Variants in ZFHX3 observed in about 807,000 individuals in gnomAD.
ZFHX3 encodes zinc finger homeobox 3, also known as zinc finger homeobox protein 3.
Under a neutral mutation model 279.1 loss-of-function variants are expected in ZFHX3, and 42 were observed. The ratio of observed to expected loss-of-function variants is 0.15; its 90% CI spans 0.12 to 0.19. ZFHX3 has a LOEUF of 0.19. Among genes scored for constraint, ZFHX3 ranks in the 10% least tolerant of loss-of-function variants. The pLI is 1.00. For synonymous variants in ZFHX3, 2,293 were observed against 1,957.8 expected (o/e 1.17, Z -4.52); for missense variants, 4,981 against 4,754.0 (o/e 1.05, Z -1.40).
intron 3 of ZFHX3, among the ~76,000 whole-genome samples, chr16:72,910,819 C>A (rs189915643): frequency 6.6e-6 from 1 of 152,268 alleles, no homozygotes; most frequent in East Asian, 1.9e-4. Context: ...AACAAAAAAA[C>A]AGGGTTTCTG....
At chr16:73,558,344 T>C (rs555228999) in intron 2 of ZFHX3, 1 of 152,332 alleles carries the variant, frequency 6.6e-6, no homozygotes, top group East Asian at 1.9e-4. Flanking sequence ...CTTTGACTCG[T>C]AAACAGTTCA....
rs377092724 is a variant in ZFHX3, at chr16:72,818,896, T to G, written c.3530-6858A>C. ...GGTTCTATCAACTTCACAGGCCTTT[T>G]GTTTCTAAAAAGGGTTTCAAAGAAA... is the stretch of plus-strand genomic sequence containing the variant. On this transcript the variant is annotated intron_variant, in intron 5 of 9. Coordinates refer to ENST00000268489, the MANE Select transcript of ZFHX3 (RefSeq NM_006885.4). Among the ~76,000 whole-genome samples, 41 of 152,320 alleles carry G rather than the reference T, an allele frequency of 2.7e-4. No homozygotes were observed. The South Asian group carries it at 7.7e-3, about 28-fold the overall frequency.
At chr16:73,546,465 C>T (rs1391789722) in intron 2 of ZFHX3, among the ~76,000 whole-genome samples, 3 of 103,798 alleles carry the variant, frequency 2.9e-5, no homozygotes, top group Admixed American at 2.8e-4. Context: ...ATTACAGGGT[C>T]GGTAGTTGTT....
At chr16:72,835,915 T>C (rs2037181153) in intron 4 of ZFHX3, among the ~76,000 whole-genome samples, 2 of 152,210 alleles carry the variant, frequency 1.3e-5, no homozygotes, top group Admixed American at 1.3e-4. Context: ...GCAAATATTC[T>C]ACAGAATATG....
At chr16:73,540,657 C>A (rs899857768) in intron 2 of ZFHX3, among the ~76,000 whole-genome samples, 2 of 152,206 alleles carry the variant, frequency 1.3e-5, no homozygotes, top group Admixed American at 1.3e-4. Context: ...TAACCACTTG[C>A]TCTTTAAATA....
intron 1 of ZFHX3, among the ~76,000 whole-genome samples, chr16:73,844,765 GAGAT>G (rs1289959790): frequency 1.3e-5 from 2 of 151,834 alleles, no homozygotes; most frequent in Non-Finnish European, 2.9e-5. Context: ...CTAGATGACA[GAGAT>G]AGACAATACA....
chr16:72,935,911 T>C (rs1960098543), intron 3 of ZFHX3, among the ~76,000 whole-genome samples: 1 of 152,136 alleles, frequency 6.6e-6, no homozygotes, highest in African/African-American at 2.4e-5. Flanking sequence ...ATATGGTCTA[T>C]CATAAGAATG....
rs1235869189 is a variant in ZFHX3 at position 72,908,627 on chromosome 16, G to A, written c.3217-18665C>T. 5.9e-5 allele frequency among the ~76,000 whole-genome samples: 9 copies of A among 152,178 alleles called. No homozygotes were observed. The East Asian group carries it at 1.3e-3, about 23-fold the overall frequency. On this transcript the variant is annotated intron_variant, in intron 3 of 9. Coordinates refer to ENST00000268489, the MANE Select transcript of ZFHX3 (RefSeq NM_006885.4). ...TGGCTTGCCTCTGGGTGTCAGTCCC[G>A]CTGGTGCCAGCTGCATCCCCAATGC...
At chr16:72,838,118 C>T (rs1229906651) in intron 4 of ZFHX3, among the ~76,000 whole-genome samples, 4 of 151,620 alleles carry the variant, frequency 2.6e-5, no homozygotes, top group African/African-American at 4.8e-5. Context: ...GCCTCCTTAC[C>T]GCCCCCACCC....
intron 8 of ZFHX3, chr16:73,092,298 G>C (rs1966093181): frequency 6.6e-6 from 1 of 152,174 alleles, no homozygotes; most frequent in Non-Finnish European, 1.5e-5. Context: ...GCATCACATA[G>C]AGCCAGTTGT....
chr16:73,525,088 AG>A (rs1426449999), intron 2 of ZFHX3, among the ~76,000 whole-genome samples: 1 of 152,232 alleles, frequency 6.6e-6, no homozygotes, highest in African/African-American at 2.4e-5. Flanking sequence ...TTGCTCAATA[AG>A]GAGAAAGAGA....
intron 1 of ZFHX3, among the ~76,000 whole-genome samples, chr16:73,056,064 G>A (rs908415061): frequency 1.3e-5 from 2 of 152,188 alleles, no homozygotes; most frequent in Non-Finnish European, 2.9e-5. Flanking sequence ...GGAGGGGGAA[G>A]GGAGACACAC....
chr16:73,409,181 G>A (rs555350379), intron 3 of ZFHX3, among the ~76,000 whole-genome samples: 1 of 152,270 alleles, frequency 6.6e-6, no homozygotes, highest in South Asian at 2.1e-4. Context: ...CCAAGGTACA[G>A]CATTGCAGAG....
rs781263014 is a variant in ZFHX3, at chr16:72,811,679, G to A, written c.3762C>T (p.Cys1254=). 9 of 1,613,976 alleles carry A rather than the reference G, an allele frequency of 5.6e-6. No homozygotes were observed. Among genetic ancestry groups the A allele is most frequent in the South Asian group, 3.3e-5 (3 of 91,076 alleles). Residue 1254 remains cysteine (C), a synonymous_variant, in exon 7 of 10, where the codon TGC becomes TGT. Transcript: ENST00000268489. Reference sequence around the variant, plus strand: ...TGTTGAGCATGTCCTGGCACAGGGGGCAGCGAAGCATGGGTTGCACCGAGT... The same window carrying A: ...TGTTGAGCATGTCCTGGCACAGGGGACAGCGAAGCATGGGTTGCACCGAGT... ...TQHSVQPMLR[C]PLCQDMLNNK...
At chr16:72,983,767 C>G (rs984135337) in intron 1 of ZFHX3, among the ~76,000 whole-genome samples, 2 of 152,078 alleles carry the variant, frequency 1.3e-5, no homozygotes, top group African/African-American at 4.8e-5. Context: ...ATGCAACTCT[C>G]CAACCACATG....
At chr16:72,840,328 G>T (rs1008178894) in intron 4 of ZFHX3, among the ~76,000 whole-genome samples, 6 of 152,088 alleles carry the variant, frequency 3.9e-5, no homozygotes. Context: ...GAAACCTTGT[G>T]GGATGGCTCT....
At chr16:73,717,666 G>A (rs972395710) in intron 1 of ZFHX3, among the ~76,000 whole-genome samples, 7 of 152,234 alleles carry the variant, frequency 4.6e-5, no homozygotes, top group African/African-American at 1.4e-4. Flanking sequence ...CTTCATCTCC[G>A]AGTTCGGACC....
At chr16:73,873,823 T>C (rs1284825494) in intron 1 of ZFHX3, among the ~76,000 whole-genome samples, 1 of 152,156 alleles carries the variant, frequency 6.6e-6, no homozygotes, top group African/African-American at 2.4e-5. Flanking sequence ...GAAGGCTAAA[T>C]GGCAAACGGC....
intron 3 of ZFHX3, among the ~76,000 whole-genome samples, chr16:73,407,193 G>A (rs1368756182): frequency 6.6e-6 from 1 of 152,174 alleles, no homozygotes; most frequent in Non-Finnish European, 1.5e-5. Context: ...CAGCCACCAC[G>A]GAGAATGATC....
Sources: gnomAD v4.1 joint callset for allele counts (sites outside exome capture counted in the v4.1 genomes callset) on GRCh38, gnomAD v4.1.1 for gene constraint, MANE v1.5 for transcripts, NCBI Gene and HGNC (gene_info 2026-07-23, HGNC 2026-07-21) for gene names.